IMPG1: variants seen among roughly 807,000 people sequenced by gnomAD.
IMPG1 encodes interphotoreceptor matrix proteoglycan of 150 kDa.
Under a neutral mutation model 92.0 loss-of-function variants are expected in IMPG1, and 85 were observed. The observed-to-expected ratio is 0.92, with a 90% CI of 0.78 to 1.11. The LOEUF (loss-of-function observed/expected upper bound fraction) is 1.11, where lower values mean the gene tolerates loss of function less well. IMPG1 is among the 50% of genes least tolerant of loss of function. The pLI is 0.00. For missense variants in IMPG1, 1,022 were observed against 956.0 expected (o/e 1.07, Z -0.91); for synonymous variants, 367 against 334.1 (o/e 1.10, Z -1.08).
chr6:76,072,466 G>T lies in IMPG1; in HGVS notation c.23C>A (p.Ala8Asp). 1 of 1,594,600 alleles carries T rather than the reference G, an allele frequency of 6.3e-7. No individual in the cohort carries two copies. The highest frequency in any genetic ancestry group is 2.3e-5 in the East Asian group (1 of 43,814). Residue 8 changes from alanine to aspartate, a missense_variant, in exon 1 of 17, where the codon GCT (alanine) becomes GAT (aspartate). By Grantham distance (126) the Ala-to-Asp change is moderately radical. Coordinates refer to ENST00000369950, the MANE Select transcript of IMPG1 (RefSeq NM_001563.4). MYLETRRAIFVFWIFLQV... is the reference protein window; with the variant it reads MYLETRRDIFVFWIFLQV... ...GAGAAAAATCCAAAAAACAAAAATA[G>T]CTCTTCTAGTTTCCAAATACATTCT...
At chr6:75,966,234 A>C (rs543142007) in intron 12 of IMPG1, among the ~76,000 whole-genome samples, 2 of 152,266 alleles carry the variant, frequency 1.3e-5, no homozygotes, top group African/African-American at 4.8e-5. Flanking sequence ...ATCTACTTGA[A>C]TTTTTAAATG....
chr6:76,028,993 A>T (rs893798291), intron 4 of IMPG1, among the ~76,000 whole-genome samples: 1 of 152,234 alleles, frequency 6.6e-6, no homozygotes, highest in Non-Finnish European at 1.5e-5. Flanking sequence ...TTGCAACAAG[A>T]CACAATTGGA....
intron 4 of IMPG1, among the ~76,000 whole-genome samples, chr6:76,031,055 C>T (rs1783645050): frequency 6.6e-6 from 1 of 152,116 alleles, no homozygotes; most frequent in South Asian, 2.1e-4. Flanking sequence ...CCAATAAAAC[C>T]CTGCCTTACT....
Position 76,071,313 on chromosome 6 carries a change from G to A in IMPG1, c.67+1109C>T, listed in dbSNP as rs535522557. Among the ~76,000 whole-genome samples, 34 of 150,390 alleles carry A rather than the reference G, an allele frequency of 2.3e-4. No individual in the cohort carries two copies. In the Middle Eastern group the frequency reaches 0.01, roughly 45 times the overall value. On this transcript the variant is annotated intron_variant, in intron 1 of 16. Coordinates refer to ENST00000369950, the MANE Select transcript of IMPG1 (RefSeq NM_001563.4). Reference sequence around the variant, plus strand: ...AGCTGAATTGCTTGATCAAGTCTACGAAATAGTCAAATTGGTTTACTTCAT... The same window carrying A: ...AGCTGAATTGCTTGATCAAGTCTACAAAATAGTCAAATTGGTTTACTTCAT...
intron 15 of IMPG1, 64 bp from the exon 16 acceptor site, chr6:75,923,770 C>T (rs1348375274): frequency 2.3e-6 from 2 of 869,544 alleles, no homozygotes; most frequent in East Asian, 2.5e-5. Context: ...ATAGTAACTA[C>T]ATCTTTCTAC....
intron 14 of IMPG1, among the ~76,000 whole-genome samples, chr6:75,937,086 C>T (rs781571354): frequency 5.3e-5 from 8 of 152,024 alleles, no homozygotes; most frequent in Non-Finnish European, 1.0e-4. Flanking sequence ...AGCAGCATGA[C>T]CCCAGGAGAC....
chr6:76,030,867 C>T (rs748454415), intron 4 of IMPG1, among the ~76,000 whole-genome samples: 1 of 152,072 alleles, frequency 6.6e-6, no homozygotes, highest in Non-Finnish European at 1.5e-5. Flanking sequence ...GGAGGGGGTC[C>T]CTGGAAAAAC....
chr6:75,948,734 T>G (rs1781974043), intron 13 of IMPG1, among the ~76,000 whole-genome samples: 1 of 152,168 alleles, frequency 6.6e-6, no homozygotes, highest in Non-Finnish European at 1.5e-5. Context: ...TTCCTATTTC[T>G]CATAGAAAGA....
At chr6:76,016,899 G>A (rs1446956015) in intron 7 of IMPG1, among the ~76,000 whole-genome samples, 1 of 152,154 alleles carries the variant, frequency 6.6e-6, no homozygotes, top group Admixed American at 6.6e-5. Context: ...TGATGAGTGG[G>A]GTGAATGAAG....
At chr6:75,983,403 G>T (rs1193276938) in intron 12 of IMPG1, among the ~76,000 whole-genome samples, 3 of 152,016 alleles carry the variant, frequency 2.0e-5, no homozygotes, top group Non-Finnish European at 2.9e-5. Flanking sequence ...ATAGAATAGA[G>T]AGCCCAGAAA....
intron 7 of IMPG1, among the ~76,000 whole-genome samples, chr6:76,012,071 C>T (rs1430888148): frequency 1.3e-5 from 2 of 152,068 alleles, no homozygotes; most frequent in African/African-American, 4.8e-5. Flanking sequence ...TGATTACATT[C>T]AAAATGGCTG....
chr6:76,034,245 G>T, intron 4 of IMPG1, 70 bp downstream of exon 4: 1 of 1,440,160 alleles, frequency 6.9e-7, no homozygotes, highest in Non-Finnish European at 9.7e-7. Flanking sequence ...GAATAGCTTA[G>T]TTTCACTCCA....
At chr6:75,984,886 T>TC (rs1484522908) in intron 12 of IMPG1, among the ~76,000 whole-genome samples, 1 of 152,126 alleles carries the variant, frequency 6.6e-6, no homozygotes, top group African/African-American at 2.4e-5. Flanking sequence ...ACATGCTTGC[T>TC]CCCACCTCAT....
rs1480221093 is a variant in IMPG1, at chr6:75,965,949, G to A, written c.1292-14855C>T. Among the ~76,000 whole-genome samples, 5 of 151,994 alleles carry A rather than the reference G, an allele frequency of 3.3e-5. No individual in the cohort carries two copies. The East Asian group carries it at 9.6e-4, about 29-fold the overall frequency. On this transcript the variant is annotated intron_variant, in intron 12 of 16. Coordinates refer to ENST00000369950, the MANE Select transcript of IMPG1 (RefSeq NM_001563.4). Reference sequence around the variant, plus strand: ...CAGATATATGTTTGCAAAGATTTTCGCCAGTCTGTATCTTTTCTTCTCATC... The same window carrying A: ...CAGATATATGTTTGCAAAGATTTTCACCAGTCTGTATCTTTTCTTCTCATC...
chr6:76,051,822 T>A (rs1227751932), intron 1 of IMPG1, among the ~76,000 whole-genome samples: 1 of 152,098 alleles, frequency 6.6e-6, no homozygotes, highest in Non-Finnish European at 1.5e-5. Context: ...TTATTTTTTC[T>A]CTTCTTGCAA....
intron 12 of IMPG1, among the ~76,000 whole-genome samples, chr6:75,966,428 G>T (rs965454575): frequency 6.6e-6 from 1 of 152,104 alleles, no homozygotes; most frequent in Non-Finnish European, 1.5e-5. Context: ...ATGCAATTGG[G>T]TTGTTATAAA....
intron 1 of IMPG1, among the ~76,000 whole-genome samples, chr6:76,059,605 C>A (rs1417190299): frequency 6.6e-6 from 1 of 152,034 alleles, no homozygotes; most frequent in Non-Finnish European, 1.5e-5. Flanking sequence ...GTCCTCTCAT[C>A]ATATTATAGT....
intron 9 of IMPG1, among the ~76,000 whole-genome samples, chr6:76,006,329 T>C (rs1783096374): frequency 6.7e-6 from 1 of 148,480 alleles, no homozygotes. Context: ...TATATGTATA[T>C]TATATATATG....
chr6:76,050,366 C>T (rs1784020706), intron 1 of IMPG1, among the ~76,000 whole-genome samples: 1 of 152,144 alleles, frequency 6.6e-6, no homozygotes, highest in Non-Finnish European at 1.5e-5. Context: ...TCGCTTGAAC[C>T]TGGGAGGCGG....
Sources: gnomAD v4.1 joint callset for allele counts (sites outside exome capture counted in the v4.1 genomes callset) on GRCh38, gnomAD v4.1.1 for gene constraint, MANE v1.5 for transcripts, NCBI Gene and HGNC (gene_info 2026-07-23, HGNC 2026-07-21) for gene names.